PLCB4: variants seen among roughly 807,000 people sequenced by gnomAD.
PLCB4 encodes the protein phospholipase C beta 4.
Under a neutral mutation model 178.8 loss-of-function variants are expected in PLCB4, and 77 were observed. The observed-to-expected ratio is 0.43, with a 90% CI of 0.36 to 0.52. The LOEUF is 0.52. PLCB4 is among the 20% of genes least tolerant of loss of function. The pLI, the probability that PLCB4 is intolerant of heterozygous loss-of-function variation, is 0.00. For missense variants in PLCB4, 1,024 were observed against 1,453.4 expected (o/e 0.70, Z 4.80); for synonymous variants, 496 against 490.8 (o/e 1.01, Z -0.14).
At chr20:9,132,673 T>C (rs1250783476) in intron 2 of PLCB4, among the ~76,000 whole-genome samples, 2 of 152,306 alleles carry the variant, frequency 1.3e-5, no homozygotes, top group African/African-American at 4.8e-5. Flanking sequence ...TGGATTCTTC[T>C]ATTGGATTTA....
At chr20:9,424,741 C>CT (rs1426971781) in intron 28 of PLCB4, among the ~76,000 whole-genome samples, 2 of 152,108 alleles carry the variant, frequency 1.3e-5, no homozygotes, top group East Asian at 3.8e-4. Flanking sequence ...TTGTGAGGTG[C>CT]TTATCATTAG....
At chr20:9,451,926 G>T (rs1177586864) in intron 32 of PLCB4, among the ~76,000 whole-genome samples, 1 of 152,216 alleles carries the variant, frequency 6.6e-6, no homozygotes, top group Non-Finnish European at 1.5e-5. Flanking sequence ...AAGCTCTGGA[G>T]GAAATGTGTT....
chr20:9,393,698 T>C lies in PLCB4; in HGVS notation c.1414+20T>C. ...AAAAAAGTAAGTGAAACACACACAT[T>C]TATAATGGAAGCATACATAACATGT... On this transcript the variant is annotated intron_variant, in intron 18 of 39. Transcript: ENST00000378473. The C allele has an allele frequency of 1.4e-6, 2 of 1,422,298 alleles. No individual in the cohort carries two copies. The highest frequency in any genetic ancestry group is 2.3e-5 in the South Asian group (2 of 87,274). 88.1% of individuals were successfully genotyped at this position (1,422,298 alleles called of 1,614,324 possible). A position where few individuals can be genotyped will look rare whatever the true frequency, so the allele number is the denominator to read the frequency against.
chr20:9,431,567 G>A (rs1189121990), intron 28 of PLCB4, among the ~76,000 whole-genome samples: 3 of 152,036 alleles, frequency 2.0e-5, no homozygotes, highest in Non-Finnish European at 2.9e-5. Context: ...CCAGGTTCAA[G>A]CAATTCTCCT....
chr20:9,233,508 G>T (rs559911078), intron 3 of PLCB4, among the ~76,000 whole-genome samples: 1 of 152,202 alleles, frequency 6.6e-6, no homozygotes, highest in Admixed American at 6.5e-5. Flanking sequence ...AAAAGGAAGT[G>T]GTATGGTAGA....
chr20:9,241,051 A>C (rs1167664589), intron 3 of PLCB4, among the ~76,000 whole-genome samples: 1 of 152,136 alleles, frequency 6.6e-6, no homozygotes, highest in Non-Finnish European at 1.5e-5. Flanking sequence ...GAAAGATAAG[A>C]CCTATGGAAG....
intron 2 of PLCB4, among the ~76,000 whole-genome samples, chr20:9,152,582 T>C (rs907901900): frequency 1.3e-5 from 2 of 152,338 alleles, no homozygotes; most frequent in African/African-American, 4.8e-5. Context: ...TTCACCTAGA[T>C]TTCAGAAGAT....
At chr20:9,126,776 T>G (rs539225014) in intron 2 of PLCB4, among the ~76,000 whole-genome samples, 1 of 151,028 alleles carries the variant, frequency 6.6e-6, no homozygotes, top group South Asian at 2.1e-4. Context: ...ATTTGCTTTT[T>G]TTTTTTTTTT....
At chr20:9,384,519 T>C in intron 14 of PLCB4, 108 bp downstream of exon 14, 1 of 753,180 alleles carries the variant, frequency 1.3e-6, no homozygotes, top group Non-Finnish European at 2.3e-6. Flanking sequence ...AGGAAATTTG[T>C]TTATTCCCTT....
intron 39 of PLCB4, among the ~76,000 whole-genome samples, 198 bp from the exon 40 acceptor site, chr20:9,478,723 A>T (rs895310946): frequency 6.6e-6 from 1 of 152,214 alleles, no homozygotes; most frequent in Non-Finnish European, 1.5e-5. Context: ...CTGATTCAAT[A>T]GATCTGGGGT....
At chr20:9,382,665 T>G (rs2148360640) in intron 13 of PLCB4, among the ~76,000 whole-genome samples, 1 of 152,320 alleles carries the variant, frequency 6.6e-6, no homozygotes, top group South Asian at 2.1e-4. Context: ...GTACGTGACC[T>G]CAGAAGGGCT....
Position 9,469,261 on chromosome 20 carries a change from G to A in PLCB4, c.3350+589G>A, listed in dbSNP as rs892058633. Among the ~76,000 whole-genome samples the A allele has an allele frequency of 2.3e-4, 35 of 152,252 alleles. 1 individual carries two copies. Among genetic ancestry groups the A allele is most frequent in the African/African-American group, 7.9e-4 (33 of 41,556 alleles). The stretch of plus-strand genomic sequence containing the variant: ...CTCCCAAAGTGCTGGGATTATAGGC[G>A]TGAGCCACTGCGCCCAGCCTATAAT... On this transcript the variant is annotated intron_variant, in intron 36 of 39. Coordinates refer to ENST00000378473, the MANE Select transcript of PLCB4 (RefSeq NM_001377142.1).
intron 18 of PLCB4, 100 bp downstream of exon 18, chr20:9,393,778 G>A: frequency 1.3e-6 from 1 of 778,842 alleles, no homozygotes; most frequent in Non-Finnish European, 2.2e-6. Flanking sequence ...TGATTTTTGG[G>A]GGAAGGGTGT....
chr20:9,118,814 T>C (rs527494960), intron 2 of PLCB4, among the ~76,000 whole-genome samples: 6 of 152,328 alleles, frequency 3.9e-5, no homozygotes, highest in Non-Finnish European at 7.3e-5. Context: ...AAAAGTGATT[T>C]ATTGTTAGAG....
chr20:9,211,236 A>G (rs1439367035), intron 2 of PLCB4, among the ~76,000 whole-genome samples: 1 of 152,130 alleles, frequency 6.6e-6, no homozygotes, highest in Non-Finnish European at 1.5e-5. Flanking sequence ...GAGTCCTAAC[A>G]CCGCCTGCAT....
chr20:9,276,248 C>T (rs1420804546), intron 3 of PLCB4, among the ~76,000 whole-genome samples: 1 of 152,062 alleles, frequency 6.6e-6, no homozygotes, highest in African/African-American at 2.4e-5. Context: ...TAGCACGTAG[C>T]TGCCAAATTC....
chr20:9,272,015 CA>C lies in PLCB4; in HGVS notation c.-15-35773del, dbSNP rs1365937451. Among the ~76,000 whole-genome samples, 108 of 141,326 alleles carry C rather than the reference CA, an allele frequency of 7.6e-4. 1 individual carries two copies. Among genetic ancestry groups the C allele is most frequent in the South Asian group, 6.3e-3 (28 of 4,440 alleles). 92.7% of individuals were successfully genotyped at this position (141,326 alleles called of 152,430 possible). A position where few individuals can be genotyped will look rare whatever the true frequency, so the allele number is the denominator to read the frequency against. ...CAACACAGCAAGATCCTATGTCTAC[CA>C]AAAAAAAAAAATTGGCTGGGCGTGG... On this transcript the variant is annotated intron_variant, in intron 3 of 39. Transcript: ENST00000378473.
At chr20:9,317,872 G>T (rs2094917222) in intron 4 of PLCB4, among the ~76,000 whole-genome samples, 1 of 152,226 alleles carries the variant, frequency 6.6e-6, no homozygotes, top group African/African-American at 2.4e-5. Flanking sequence ...GCAAAGATGG[G>T]CAGATCACTT....
intron 2 of PLCB4, among the ~76,000 whole-genome samples, chr20:9,178,334 A>C (rs1020017985): frequency 6.6e-6 from 1 of 152,108 alleles, no homozygotes; most frequent in Admixed American, 6.6e-5. Flanking sequence ...AAAATAAATA[A>C]ATAAATAAAT....
Sources: allele counts gnomAD v4.1 joint callset (sites outside exome capture counted in the v4.1 genomes callset), GRCh38; gene constraint gnomAD v4.1.1; transcripts MANE v1.5; gene names NCBI Gene and HGNC (gene_info 2026-07-23, HGNC 2026-07-21).